The following IQGAP2 variants were observed in gnomAD, a reference collection of about 807,000 sequenced individuals.
IQGAP2 encodes the protein IQ motif containing GTPase activating protein 2, also known as ras GTPase-activating-like protein IQGAP2.
In IQGAP2, 173 loss-of-function variants were observed where a neutral mutation model predicts 201.3. The observed-to-expected ratio is 0.86, with a 90% CI of 0.76 to 0.98. The LOEUF (loss-of-function observed/expected upper bound fraction) is 0.98, where lower values mean the gene tolerates loss of function less well. Among genes scored for constraint, IQGAP2 ranks in the 50% least tolerant of loss-of-function variants. IQGAP2 has a pLI of 0.00. For missense variants in IQGAP2, 1,687 were observed against 1,864.8 expected (o/e 0.90, Z 1.76); for synonymous variants, 675 against 673.9 (o/e 1.00, Z -0.03).
intron 28 of IQGAP2, chr5:76,677,597 C>T (rs1744932278): frequency 3.3e-6 from 1 of 306,744 alleles, no homozygotes; most frequent in Admixed American, 5.0e-5. Context: ...AACTTCTCCC[C>T]AAAAAAGAAA....
intron 2 of IQGAP2, among the ~76,000 whole-genome samples, chr5:76,525,363 A>C (rs2150200123): frequency 6.6e-6 from 1 of 152,338 alleles, no homozygotes; most frequent in East Asian, 1.9e-4. Context: ...ATCATACTTA[A>C]AGCTAATTTA....
At chr5:76,666,897 C>T (rs553369959) in intron 22 of IQGAP2, among the ~76,000 whole-genome samples, 2 of 152,276 alleles carry the variant, frequency 1.3e-5, no homozygotes, top group South Asian at 4.2e-4. Flanking sequence ...ACACCTGCCA[C>T]AATGCCTGGC....
At chr5:76,673,908 G>C (rs774877411) in intron 25 of IQGAP2, 44 bp from the exon 26 acceptor site, 2 of 1,157,010 alleles carry the variant, frequency 1.7e-6, no homozygotes, top group Non-Finnish European at 2.6e-6. Context: ...TCCTCACTCC[G>C]CCTTTTTTCC....
At chr5:76,534,531 T>C (rs1198858860) in intron 2 of IQGAP2, among the ~76,000 whole-genome samples, 1 of 152,248 alleles carries the variant, frequency 6.6e-6, no homozygotes, top group Admixed American at 6.5e-5. Flanking sequence ...TTTTATCAGA[T>C]TTAATAGTTA....
chr5:76,621,191 A>G (rs369561134), intron 13 of IQGAP2, among the ~76,000 whole-genome samples: 1 of 152,158 alleles, frequency 6.6e-6, no homozygotes, highest in African/African-American at 2.4e-5. Context: ...TCCTGCTTTA[A>G]TCTCTAGCAG....
At chr5:76,676,099 A>T (rs1403532450) in intron 27 of IQGAP2, among the ~76,000 whole-genome samples, 1 of 149,612 alleles carries the variant, frequency 6.7e-6, no homozygotes, top group African/African-American at 2.5e-5. Flanking sequence ...ACACACACAC[A>T]CACACACACA....
Position 76,610,041 on chromosome 5 carries a change from G to T in IQGAP2, c.1358-979G>T, listed in dbSNP as rs1001249761. ...ATTTGTGAACCCTATAGTCAGTCTT[G>T]TTCTCTCTTTCTCTCTCTCTCTCTC... On this transcript the variant is annotated intron_variant, in intron 12 of 35. Transcript: ENST00000274364. 2.6e-4 allele frequency among the ~76,000 whole-genome samples: 15 copies of T among 57,390 alleles called. No individual in the cohort carries two copies. In the South Asian group the frequency reaches 4.3e-3, roughly 16 times the overall value. The allele number at this position is 57,390 out of a possible 152,430, so 37.7% of individuals were successfully genotyped here. A position where few individuals can be genotyped will look rare whatever the true frequency, so the allele number is the denominator to read the frequency against.
intron 5 of IQGAP2, among the ~76,000 whole-genome samples, chr5:76,587,047 T>G (rs1394544596): frequency 3.9e-5 from 6 of 152,342 alleles, no homozygotes; most frequent in African/African-American, 1.4e-4. Flanking sequence ...CTATTAGGTA[T>G]TTATGGTTTT....
chr5:76,585,602 C>G (rs2150299839), intron 5 of IQGAP2, among the ~76,000 whole-genome samples: 1 of 151,994 alleles, frequency 6.6e-6, no homozygotes, highest in Admixed American at 6.5e-5. Context: ...CAAACCTCCA[C>G]CTCCTGGGTT....
intron 1 of IQGAP2, among the ~76,000 whole-genome samples, chr5:76,409,197 C>T (rs1161496508): frequency 6.7e-6 from 1 of 149,466 alleles, no homozygotes; most frequent in Non-Finnish European, 1.5e-5. Flanking sequence ...GTTGATTTTG[C>T]TGCTGAATTT....
intron 1 of IQGAP2, among the ~76,000 whole-genome samples, chr5:76,443,235 A>G (rs1164405444): frequency 6.6e-6 from 1 of 152,190 alleles, no homozygotes. Flanking sequence ...TCTGCTCATT[A>G]CAGAACCTCA....
At chr5:76,510,253 G>A (rs894072162) in intron 2 of IQGAP2, among the ~76,000 whole-genome samples, 2 of 152,140 alleles carry the variant, frequency 1.3e-5, no homozygotes, top group Non-Finnish European at 1.5e-5. Context: ...ACCCGCCTCA[G>A]CCTCCCAAAA....
At chr5:76,698,178 A>C in intron 33 of IQGAP2, 31 bp downstream of exon 33, 1 of 1,500,448 alleles carries the variant, frequency 6.7e-7, no homozygotes, top group Non-Finnish European at 9.2e-7. Context: ...GTTCATTTGT[A>C]ATGTCATGAT....
chr5:76,484,573 T>A (rs1012289881), intron 2 of IQGAP2, among the ~76,000 whole-genome samples: 18 of 149,982 alleles, frequency 1.2e-4, no homozygotes, highest in African/African-American at 2.0e-4. Flanking sequence ...TTAAAAAAAA[T>A]TTTTTTTTCT....
chr5:76,444,952 A>G (rs1401743882), intron 1 of IQGAP2, among the ~76,000 whole-genome samples: 2 of 152,244 alleles, frequency 1.3e-5, no homozygotes, highest in Non-Finnish European at 2.9e-5. Context: ...TGTCTTAAAG[A>G]GAATTAGACC....
intron 2 of IQGAP2, among the ~76,000 whole-genome samples, chr5:76,468,409 G>T (rs544863647): frequency 1.3e-5 from 2 of 152,256 alleles, no homozygotes; most frequent in Admixed American, 1.3e-4. Context: ...AGAGTTTAAA[G>T]TTATTTTCCT....
chr5:76,565,014 T>G (rs1015985859), intron 3 of IQGAP2, among the ~76,000 whole-genome samples: 1 of 152,236 alleles, frequency 6.6e-6, no homozygotes, highest in African/African-American at 2.4e-5. Context: ...GTGCCTAGTG[T>G]TCTTGATGGA....
intron 2 of IQGAP2, among the ~76,000 whole-genome samples, chr5:76,516,657 T>C (rs1580364925): frequency 1.3e-5 from 2 of 152,300 alleles, no homozygotes; most frequent in East Asian, 3.9e-4. Context: ...GATGGAAACT[T>C]GTCTAAAGAA....
At chr5:76,496,858 C>G (rs932914209) in intron 2 of IQGAP2, among the ~76,000 whole-genome samples, 7 of 150,344 alleles carry the variant, frequency 4.7e-5, no homozygotes, top group African/African-American at 1.7e-4. Context: ...GAGATAGAGT[C>G]TTGCTCTGTT....
Sources: allele counts gnomAD v4.1 joint callset (sites outside exome capture counted in the v4.1 genomes callset), GRCh38; gene constraint gnomAD v4.1.1; transcripts MANE v1.5; gene names NCBI Gene and HGNC (gene_info 2026-07-23, HGNC 2026-07-21).